Variants in STK3 observed in about 807,000 individuals in gnomAD.
STK3 encodes serine/threonine-protein kinase 3.
Under a neutral mutation model 58.0 loss-of-function variants are expected in STK3, and 41 were observed. The ratio of observed to expected loss-of-function variants is 0.71; its 90% CI spans 0.55 to 0.92. STK3 has a LOEUF of 0.92. Ranked by LOEUF, STK3 falls within the 40% of genes least tolerant of loss-of-function variation. The pLI, the probability that STK3 is intolerant of heterozygous loss-of-function variation, is 0.00. For synonymous variants in STK3, 170 were observed against 191.0 expected (o/e 0.89, Z 0.91); for missense variants, 479 against 602.7 (o/e 0.79, Z 2.15).
At chr8:98,419,330 T>C (rs1019929697) in intron 3 of STK3, among the ~76,000 whole-genome samples, 2 of 151,920 alleles carry the variant, frequency 1.3e-5, no homozygotes, top group South Asian at 4.2e-4. Flanking sequence ...CACTGCACTC[T>C]AGTGTGGGCA....
At position 98,456,076 on chromosome 8, in the gene STK3, TTAATGTC is replaced by T. The variant is rs1819469322; in HGVS notation, c.1318-83_1318-77del. ...ACAATCAATACAATGAAATTAGACTTTAATGTCTAATGAGTTTTAACATAAATATTTC... is the reference window on the plus strand; with the variant it reads ...ACAATCAATACAATGAAATTAGACTTTAATGAGTTTTAACATAAATATTTC... On this transcript the variant is annotated intron_variant, in intron 10 of 10. Transcript: ENST00000419617. 2.2e-6 allele frequency: 3 copies of T among 1,368,168 alleles called. No individual in the cohort carries two copies. The Admixed American group carries it at 7.4e-5, about 34-fold the overall frequency. 84.8% of individuals were successfully genotyped at this position (1,368,168 alleles called of 1,614,324 possible). A position where few individuals can be genotyped will look rare whatever the true frequency, so the allele number is the denominator to read the frequency against.
At chr8:98,764,974 T>C (rs1185085582) in intron 3 of STK3, among the ~76,000 whole-genome samples, 1 of 152,270 alleles carries the variant, frequency 6.6e-6, no homozygotes, top group South Asian at 2.1e-4. Flanking sequence ...GAAAGAACGC[T>C]CTAGCTTCAA....
intron 6 of STK3, among the ~76,000 whole-genome samples, chr8:98,656,886 C>A (rs1367736992): frequency 6.6e-6 from 1 of 152,052 alleles, no homozygotes; most frequent in African/African-American, 2.4e-5. Flanking sequence ...TTCTGTCAAT[C>A]TCTGAATATC....
chr8:98,541,480 C>T (rs1013572528), intron 9 of STK3, among the ~76,000 whole-genome samples: 5 of 152,178 alleles, frequency 3.3e-5, no homozygotes, highest in African/African-American at 1.2e-4. Context: ...GTACAGCCTG[C>T]AGAACCATAA....
At chr8:98,526,542 C>A (rs1184226803) in intron 10 of STK3, 200 bp downstream of exon 10, 1 of 374,094 alleles carries the variant, frequency 2.7e-6, no homozygotes, top group Admixed American at 4.7e-5. Flanking sequence ...AAAAGTATTT[C>A]TCTGCAAGTA....
intron 3 of STK3, among the ~76,000 whole-genome samples, chr8:98,405,301 T>A: frequency 6.6e-6 from 1 of 152,172 alleles, no homozygotes; most frequent in South Asian, 2.1e-4. Flanking sequence ...GTGACAATTT[T>A]GGATGAGTGG....
At chr8:98,916,528 G>A (rs1839355493) in intron 1 of STK3, among the ~76,000 whole-genome samples, 1 of 152,224 alleles carries the variant, frequency 6.6e-6, no homozygotes, top group African/African-American at 2.4e-5. Flanking sequence ...AACAAGCACT[G>A]TGTCTACAGT....
At chr8:98,912,908 G>A (rs1481667330) in intron 1 of STK3, among the ~76,000 whole-genome samples, 1 of 152,052 alleles carries the variant, frequency 6.6e-6, no homozygotes, top group East Asian at 1.9e-4. Context: ...CTCACTGGTT[G>A]TGGTTTATTT....
chr8:98,874,439 T>C (rs987590151), intron 3 of STK3, among the ~76,000 whole-genome samples: 1 of 152,142 alleles, frequency 6.6e-6, no homozygotes, highest in African/African-American at 2.4e-5. Context: ...AAGAATAAAC[T>C]CCTGTTGTTT....
intron 8 of STK3, among the ~76,000 whole-genome samples, chr8:98,561,881 T>C (rs899907236): frequency 4.6e-5 from 7 of 152,116 alleles, no homozygotes; most frequent in African/African-American, 1.7e-4. Flanking sequence ...TTGCCAAAGA[T>C]ATATAAATGG....
intron 4 of STK3, among the ~76,000 whole-genome samples, chr8:98,732,126 AC>A (rs927874795): frequency 1.3e-5 from 2 of 152,094 alleles, no homozygotes; most frequent in Admixed American, 6.6e-5. Flanking sequence ...AAAATAAAGC[AC>A]CCCGCCTCCT....
intron 7 of STK3, among the ~76,000 whole-genome samples, chr8:98,587,148 TG>T (rs1174233171): frequency 6.6e-6 from 1 of 152,148 alleles, no homozygotes; most frequent in African/African-American, 2.4e-5. Context: ...AGCTTTTGAA[TG>T]TGTTTGCTCT....
chr8:98,381,017 C>T (rs1817726521), intron 1 of STK3, among the ~76,000 whole-genome samples: 1 of 116,134 alleles, frequency 8.6e-6, no homozygotes, highest in Non-Finnish European at 1.6e-5. Context: ...TTTTCCCAGG[C>T]TGGAGTGCAA....
At chr8:98,564,081 G>GTC (rs1812276550) in intron 8 of STK3, among the ~76,000 whole-genome samples, 1 of 152,076 alleles carries the variant, frequency 6.6e-6, no homozygotes, top group Non-Finnish European at 1.5e-5. Context: ...ATCAACAGTG[G>GTC]TAAGTCATGT....
intron 2 of STK3, among the ~76,000 whole-genome samples, chr8:98,770,708 C>T (rs549580848): frequency 6.6e-6 from 1 of 152,290 alleles, no homozygotes; most frequent in South Asian, 2.1e-4. Context: ...CCAGCATCGA[C>T]CAAAGCTCTA....
chr8:98,823,943 G>A (rs916972095), intron 1 of STK3, among the ~76,000 whole-genome samples: 1 of 152,052 alleles, frequency 6.6e-6, no homozygotes, highest in Non-Finnish European at 1.5e-5. Context: ...AATCAATAGG[G>A]GCAAAACTGC....
intron 3 of STK3, chr8:98,413,196 G>A: frequency 3.4e-6 from 1 of 292,580 alleles, no homozygotes; most frequent in Non-Finnish European, 6.7e-6. Context: ...GTATTTTTTG[G>A]TAGAGATGGG....
At chr8:98,390,419 T>C (rs1481422987), upstream of STK3, among the ~76,000 whole-genome samples, 5 of 152,160 alleles carry the variant, frequency 3.3e-5, no homozygotes, top group African/African-American at 1.2e-4. Context: ...CCACTATAAG[T>C]AGTATGTTGT....
intron 6 of STK3, among the ~76,000 whole-genome samples, chr8:98,669,136 A>G (rs949611844): frequency 1.3e-5 from 2 of 151,844 alleles, no homozygotes; most frequent in Non-Finnish European, 2.9e-5. Flanking sequence ...AGCTGGGATT[A>G]CAGGCACGCA....
Sources: gnomAD v4.1 joint callset for allele counts (sites outside exome capture counted in the v4.1 genomes callset) on GRCh38, gnomAD v4.1.1 for gene constraint, MANE v1.5 for transcripts, NCBI Gene and HGNC (gene_info 2026-07-23, HGNC 2026-07-21) for gene names.